The following XKR9 variants were observed in gnomAD, a reference collection of about 807,000 sequenced individuals.
XKR9 encodes the protein XK related 9, also known as XK-related protein 9.
Under a neutral mutation model 32.0 loss-of-function variants are expected in XKR9, and 32 were observed. That is an observed-to-expected ratio of 1.00 (90% CI 0.76 to 1.34). XKR9 has a LOEUF of 1.34. XKR9 is among the 40% of genes most tolerant of loss of function. XKR9 has a pLI of 0.00. For missense variants in XKR9, 546 were observed against 429.7 expected, an observed-to-expected ratio of 1.27 and a Z score of -2.39; for synonymous variants, 168 against 143.4, an observed-to-expected ratio of 1.17 and a Z score of -1.22.
At chr8:70,879,588 C>A in the XKR9 span, among the ~76,000 whole-genome samples, 7 of 152,090 alleles carry the variant, frequency 4.6e-5, no homozygotes, top group Admixed American at 3.9e-4. Flanking sequence ...GACACATACA[C>A]CCTCCCAAGA....
the XKR9 span, among the ~76,000 whole-genome samples, chr8:71,041,610 G>T: frequency 2.6e-5 from 4 of 152,142 alleles, no homozygotes; most frequent in Non-Finnish European, 5.9e-5. Context: ...CACATGTGGA[G>T]GGAGGGAACT....
chr8:70,807,363 C>T, the XKR9 span, among the ~76,000 whole-genome samples: 1 of 152,084 alleles, frequency 6.6e-6, no homozygotes, highest in Non-Finnish European at 1.5e-5. Flanking sequence ...AACAAGTGTG[C>T]AAAATAAGCA....
the XKR9 span, among the ~76,000 whole-genome samples, chr8:70,850,481 A>AAAAG: frequency 1.4e-5 from 2 of 140,882 alleles, no homozygotes; most frequent in Non-Finnish European, 1.5e-5. Flanking sequence ...AAAAAAAAAA[A>AAAAG]AAAGAAAGAA....
At chr8:70,903,757 C>A in the XKR9 span, among the ~76,000 whole-genome samples, 2 of 152,102 alleles carry the variant, frequency 1.3e-5, no homozygotes, top group Non-Finnish European at 2.9e-5. Flanking sequence ...ATCTTTCCTG[C>A]TTTATCTTGT....
chr8:70,681,245 T>A lies in XKR9; in HGVS notation c.187T>A (p.Phe63Ile). The change falls in exon 3 of 5, where the codon TTC becomes ATC. Residue 63 changes from phenylalanine (F) to isoleucine (I), a missense_variant. Transcript: ENST00000408926. ...LVAQCFSYSW[F>I]KADLKKAGQE... is the part of the protein sequence containing the mutation. ...GGCTCAGTGTTTTAGTTATTCTTGG[T>A]TCAAGGCTGATTTAAAGAAAGCAGG... 2 of 1,613,530 alleles carry A rather than the reference T, an allele frequency of 1.2e-6. No individual in the cohort carries two copies. Among genetic ancestry groups the A allele is most frequent in the Non-Finnish European group, 8.5e-7 (1 of 1,179,602 alleles).
At chr8:70,746,129 T>A (rs908118667) in intron 2 of XKR9, among the ~76,000 whole-genome samples, 2 of 151,678 alleles carry the variant, frequency 1.3e-5, no homozygotes, top group African/African-American at 4.8e-5. Flanking sequence ...ACTTAAGTAC[T>A]TTTTTAAAAT....
At chr8:70,764,389 G>T (rs148859239) in intron 2 of XKR9, among the ~76,000 whole-genome samples, 6 of 151,976 alleles carry the variant, frequency 3.9e-5, no homozygotes, top group East Asian at 3.9e-4. Flanking sequence ...GCTTGGAGAG[G>T]GTAGGTCAGA....
At chr8:70,795,472 AT>A in the XKR9 span, among the ~76,000 whole-genome samples, 1 of 152,284 alleles carries the variant, frequency 6.6e-6, no homozygotes, top group East Asian at 1.9e-4. Flanking sequence ...TGATAGAAAA[AT>A]TTATATTCCT....
chr8:70,881,961 C>T, the XKR9 span, among the ~76,000 whole-genome samples: 4 of 152,124 alleles, frequency 2.6e-5, no homozygotes, highest in South Asian at 4.1e-4. Context: ...ATGTCCTTTG[C>T]AGGGACATGG....
the XKR9 span, among the ~76,000 whole-genome samples, chr8:70,806,148 C>A: frequency 4.6e-5 from 7 of 152,166 alleles, no homozygotes; most frequent in African/African-American, 7.2e-5. Flanking sequence ...GAACCCCCAG[C>A]AAACTGCAGC....
intron 4 of XKR9, among the ~76,000 whole-genome samples, chr8:70,715,241 G>A (rs1482465840): frequency 1.3e-5 from 2 of 152,150 alleles, no homozygotes; most frequent in African/African-American, 4.8e-5. Context: ...TAAACTAAAT[G>A]TAGTCTCAAC....
chr8:71,023,542 T>C, the XKR9 span, among the ~76,000 whole-genome samples: 4 of 152,262 alleles, frequency 2.6e-5, no homozygotes, highest in African/African-American at 9.6e-5. Context: ...AGGTGGGATA[T>C]TTAGGCACTG....
chr8:70,727,310 T>C (rs1269753508), intron 4 of XKR9, among the ~76,000 whole-genome samples: 9 of 149,416 alleles, frequency 6.0e-5, no homozygotes, highest in African/African-American at 2.2e-4. Flanking sequence ...AAAATATTTT[T>C]GAATTAAAGA....
At chr8:71,012,427 T>G in the XKR9 span, among the ~76,000 whole-genome samples, 3 of 152,172 alleles carry the variant, frequency 2.0e-5, no homozygotes, top group Non-Finnish European at 4.4e-5. Context: ...CAGGGAAAAG[T>G]GCACCATTAA....
the XKR9 span, among the ~76,000 whole-genome samples, chr8:70,896,948 T>C: frequency 6.6e-6 from 1 of 152,138 alleles, no homozygotes; most frequent in South Asian, 2.1e-4. Context: ...AGTCACCCTG[T>C]TTTGCGAGCA....
At chr8:70,988,419 T>G in the XKR9 span, among the ~76,000 whole-genome samples, 1 of 151,974 alleles carries the variant, frequency 6.6e-6, no homozygotes, top group East Asian at 1.9e-4. Context: ...CCAATTAAGT[T>G]AACTTCTCCT....
At chr8:70,855,076 G>T in the XKR9 span, among the ~76,000 whole-genome samples, 2 of 151,946 alleles carry the variant, frequency 1.3e-5, no homozygotes, top group Admixed American at 6.6e-5. Context: ...TTGGTAGCTT[G>T]ATGGGGATGG....
chr8:70,838,810 A>C, the XKR9 span, among the ~76,000 whole-genome samples: 1 of 152,036 alleles, frequency 6.6e-6, no homozygotes, highest in East Asian at 1.9e-4. Flanking sequence ...TTGTGGTTTT[A>C]GTTTGTTTTA....
intron 2 of XKR9, among the ~76,000 whole-genome samples, chr8:70,776,758 C>T (rs989441350): frequency 6.6e-6 from 1 of 151,732 alleles, no homozygotes; most frequent in East Asian, 1.9e-4. Context: ...ATTGTCACCT[C>T]GTCAGAAGGG....
Sources: allele counts gnomAD v4.1 joint callset (sites outside exome capture counted in the v4.1 genomes callset), GRCh38; gene constraint gnomAD v4.1.1; transcripts MANE v1.5; gene names NCBI Gene and HGNC (gene_info 2026-07-23, HGNC 2026-07-21).